The following SPAG9 variants were observed in gnomAD, a reference collection of about 807,000 sequenced individuals.
SPAG9 encodes C-Jun-amino-terminal kinase-interacting protein 4.
Under a neutral mutation model 166.5 loss-of-function variants are expected in SPAG9, and 35 were observed. The observed-to-expected ratio is 0.21, with a 90% CI of 0.16 to 0.28. The LOEUF is 0.28. Ranked by LOEUF, SPAG9 falls within the 10% of genes least tolerant of loss-of-function variation. The pLI, the probability that SPAG9 is intolerant of heterozygous loss-of-function variation, is 1.00. For missense variants in SPAG9, 1,235 were observed against 1,603.3 expected (o/e 0.77, Z 3.92); for synonymous variants, 534 against 565.5 (o/e 0.94, Z 0.79).
chr17:51,092,472 T>C (rs1160728572), intron 1 of SPAG9, among the ~76,000 whole-genome samples: 1 of 152,152 alleles, frequency 6.6e-6, no homozygotes, highest in African/African-American at 2.4e-5. Context: ...TAGGGAAATA[T>C]GAACACTTAT....
At chr17:51,079,184 C>T (rs1009412440) in intron 2 of SPAG9, among the ~76,000 whole-genome samples, 1 of 151,652 alleles carries the variant, frequency 6.6e-6, no homozygotes. Context: ...GTATTTAGAA[C>T]CTTAGTCGAA....
At chr17:51,077,073 T>TCTAGCTAGCTATCTAG (rs1188442565) in intron 2 of SPAG9, among the ~76,000 whole-genome samples, 2 of 115,976 alleles carry the variant, frequency 1.7e-5, no homozygotes, top group Admixed American at 1.7e-4. Context: ...TAGCTAGCTA[T>TCTAGCTAGCTATCTAG]CTAGCTATCT....
At chr17:51,077,898 G>A (rs1007121554) in intron 2 of SPAG9, among the ~76,000 whole-genome samples, 10 of 151,662 alleles carry the variant, frequency 6.6e-5, no homozygotes, top group African/African-American at 1.9e-4. Flanking sequence ...CAATCTGCAC[G>A]CCTCGGCAGC....
rs149435430 is a variant in SPAG9 at position 51,034,087 on chromosome 17, T to C, written c.742-2365A>G. Among the ~76,000 whole-genome samples the C allele has an allele frequency of 3.0e-3, 463 of 152,332 alleles. 1 individual carries two copies. Among genetic ancestry groups the C allele is most frequent in the African/African-American group, 0.011 (444 of 41,574 alleles). On this transcript the variant is annotated intron_variant, in intron 5 of 29. Transcript: ENST00000262013. The stretch of plus-strand genomic sequence containing the variant: ...GTCACCTATAGGTGGTTCCTAAAGT[T>C]ATCACATGAAGATATATGTGAGGAA...
At chr17:50,972,840 C>T (rs998842195) in intron 28 of SPAG9, among the ~76,000 whole-genome samples, 2 of 152,230 alleles carry the variant, frequency 1.3e-5, no homozygotes, top group African/African-American at 4.8e-5. Flanking sequence ...AGCAAGAGCA[C>T]AGTGGTATTA....
chr17:51,070,337 A>C (rs2047789915), intron 2 of SPAG9, among the ~76,000 whole-genome samples: 1 of 152,200 alleles, frequency 6.6e-6, no homozygotes, highest in African/African-American at 2.4e-5. Flanking sequence ...TCAAATTCAT[A>C]AGTTATGACA....
intron 3 of SPAG9, among the ~76,000 whole-genome samples, chr17:51,053,855 G>A (rs12453845): frequency 0.097 from 3,646 of 37,522 alleles, 220 homozygotes; most frequent in Non-Finnish European, 0.13. Flanking sequence ...AAAAAAAAAA[G>A]TATATATATA....
rs201334137 is a variant in SPAG9, at chr17:50,964,928, G to GTTT, written c.*1341_*1343dup. 14 of 167,494 alleles carry GTTT rather than the reference G, an allele frequency of 8.4e-5. No homozygotes were observed. The highest frequency in any genetic ancestry group is 3.8e-4 in the South Asian group (5 of 13,198). 10.4% of individuals were successfully genotyped at this position (167,494 alleles called of 1,614,324 possible). A position where few individuals can be genotyped will look rare whatever the true frequency, so the allele number is the denominator to read the frequency against. On this transcript the variant is annotated 3_prime_UTR_variant, in exon 30 of 30. Transcript: ENST00000262013. ...CCACCACACCCGGTTAATTTATTTTGTTTTTTTTTTTTGGTAGAGACAGGG... is the reference window on the plus strand; with the variant it reads ...CCACCACACCCGGTTAATTTATTTTGTTTTTTTTTTTTTTTGGTAGAGACAGGG...
At chr17:51,048,139 AGAT>A (rs1263573121) in intron 3 of SPAG9, among the ~76,000 whole-genome samples, 2 of 152,118 alleles carry the variant, frequency 1.3e-5, no homozygotes, top group South Asian at 4.1e-4. Flanking sequence ...TTTGAGTCTT[AGAT>A]AAGGAATCAT....
At chr17:51,106,107 A>G (rs913694481) in intron 1 of SPAG9, among the ~76,000 whole-genome samples, 2 of 51,322 alleles carry the variant, frequency 3.9e-5, no homozygotes, top group Admixed American at 3.3e-4. Context: ...ATCTCTACAC[A>G]CACACACACA....
At chr17:51,096,028 TATATATAGTG>T (rs1308900948) in intron 1 of SPAG9, among the ~76,000 whole-genome samples, 3 of 134,982 alleles carry the variant, frequency 2.2e-5, no homozygotes, top group African/African-American at 9.1e-5. Flanking sequence ...TAGTGATATA[TATATATAGTG>T]ATATATATAT....
Position 51,063,883 on chromosome 17 carries a change from A to AAAAT in SPAG9, c.425-7405_425-7402dup, listed in dbSNP as rs201058794. 2.5e-3 allele frequency among the ~76,000 whole-genome samples: 387 copies of AAAAT among 152,158 alleles called. 2 individuals carry two copies. Among genetic ancestry groups the AAAAT allele is most frequent in the African/African-American group, 8.1e-3 (336 of 41,476 alleles). ...GGCAACAGAGCCAGACTCCATCTCAAAAATAAATAAATAAATAAGTAAGTA... is the reference window on the plus strand; with the variant it reads ...GGCAACAGAGCCAGACTCCATCTCAAAAATAAATAAATAAATAAATAAGTAAGTA... On this transcript the variant is annotated intron_variant, in intron 2 of 29. Coordinates refer to ENST00000262013, the MANE Select transcript of SPAG9 (RefSeq NM_001130528.3).
At chr17:51,087,543 T>C (rs565957426) in intron 1 of SPAG9, among the ~76,000 whole-genome samples, 16 of 152,238 alleles carry the variant, frequency 1.1e-4, no homozygotes, top group African/African-American at 3.9e-4. Context: ...TTTCATACTA[T>C]CAACAAAATA....
chr17:51,025,684 A>G (rs1169381707), intron 6 of SPAG9, among the ~76,000 whole-genome samples: 1 of 152,134 alleles, frequency 6.6e-6, no homozygotes, highest in African/African-American at 2.4e-5. Flanking sequence ...TGAGCCCAGG[A>G]GTTTGAGATC....
chr17:51,057,892 C>T (rs770358342), intron 2 of SPAG9, among the ~76,000 whole-genome samples: 4 of 152,116 alleles, frequency 2.6e-5, no homozygotes, highest in Non-Finnish European at 5.9e-5. Context: ...GCTAAAACCA[C>T]AAATTAATTT....
chr17:50,964,860 C>T lies in SPAG9; in HGVS notation c.*1412G>A. The stretch of plus-strand genomic sequence containing the variant: ...CTCCACCTCCTGGGCCCAGGTCATC[C>T]TCCCACCTCAGCCTCCCAAGTAGCT... On this transcript the variant is annotated 3_prime_UTR_variant, in exon 30 of 30. Coordinates refer to ENST00000262013, the MANE Select transcript of SPAG9 (RefSeq NM_001130528.3). The T allele has an allele frequency of 3.5e-6, 1 of 286,390 alleles. No homozygotes were observed. Among genetic ancestry groups the T allele is most frequent in the Non-Finnish European group, 7.5e-6 (1 of 134,132 alleles). The allele number at this position is 286,390 out of a possible 1,614,324, so 17.7% of individuals were successfully genotyped here.
chr17:51,005,441 TAAAC>T (rs573654061), intron 11 of SPAG9, among the ~76,000 whole-genome samples, 178 bp from the exon 12 acceptor site: 124 of 152,304 alleles, frequency 8.1e-4, no homozygotes, highest in Middle Eastern at 3.4e-3. Context: ...TGTTCAGAAA[TAAAC>T]AGGTATTAAA....
chr17:51,096,332 G>C (rs943601896), intron 1 of SPAG9, among the ~76,000 whole-genome samples: 4 of 151,260 alleles, frequency 2.6e-5, no homozygotes, highest in Non-Finnish European at 5.9e-5. Context: ...CTGGGTGACA[G>C]AGTGAGACTC....
Position 51,035,130 on chromosome 17 carries a change from T to C in SPAG9, c.742-3408A>G, listed in dbSNP as rs546045940. ...TTTGAGACCAACCTGGGCAACATAG[T>C]GAGGCCCTGTCTGTAATAAAAATTT... On this transcript the variant is annotated intron_variant, in intron 5 of 29. Transcript: ENST00000262013. 2.0e-5 allele frequency among the ~76,000 whole-genome samples: 3 copies of C among 152,232 alleles called. No homozygotes were observed. The South Asian group carries it at 6.2e-4, about 32-fold the overall frequency.
Sources: gnomAD v4.1 joint callset for allele counts (sites outside exome capture counted in the v4.1 genomes callset) on GRCh38, gnomAD v4.1.1 for gene constraint, MANE v1.5 for transcripts, NCBI Gene and HGNC (gene_info 2026-07-23, HGNC 2026-07-21) for gene names.